The following PALM2AKAP2 variants were observed in gnomAD, a reference collection of about 807,000 sequenced individuals.
PALM2AKAP2 encodes PALM2-AKAP2 fusion protein.
PALM2AKAP2 carries 37 observed loss-of-function variants against 71.5 expected under a neutral mutation model. The ratio of observed to expected loss-of-function variants is 0.52; its 90% CI spans 0.40 to 0.68. PALM2AKAP2 has a LOEUF of 0.68. Among genes scored for constraint, PALM2AKAP2 ranks in the 30% least tolerant of loss-of-function variants. PALM2AKAP2 has a pLI of 0.00. For missense variants in PALM2AKAP2, 1,224 were observed against 1,191.8 expected (o/e 1.03, Z -0.40); for synonymous variants, 468 against 478.8 (o/e 0.98, Z 0.29).
chr9:110,117,060 A>G (rs1184522245), intron 1 of PALM2AKAP2, among the ~76,000 whole-genome samples: 2 of 152,190 alleles, frequency 1.3e-5, no homozygotes, highest in Non-Finnish European at 2.9e-5. Flanking sequence ...TTTTCCAATT[A>G]CAATACTAAT....
chr9:110,048,155 C>G (rs997750621), upstream of PALM2AKAP2, among the ~76,000 whole-genome samples: 1 of 152,186 alleles, frequency 6.6e-6, no homozygotes, highest in Non-Finnish European at 1.5e-5. Context: ...AGACGCACTT[C>G]GCAACCAGTT....
chr9:109,724,116 A>G (rs548401626), intron 1 of PALM2AKAP2, among the ~76,000 whole-genome samples: 215 of 152,334 alleles, frequency 1.4e-3, no homozygotes, highest in African/African-American at 4.9e-3. Context: ...CTCTTTATAC[A>G]TATATGTAAT....
intron 1 of PALM2AKAP2, among the ~76,000 whole-genome samples, chr9:109,667,960 G>A (rs1827515083): frequency 7.8e-5 from 1 of 12,754 alleles, no homozygotes; most frequent in Non-Finnish European, 1.2e-4. Flanking sequence ...TTTTTGAGAC[G>A]GAGTCTCGCT....
chr9:110,066,145 A>G (rs1045129727), intron 1 of PALM2AKAP2, among the ~76,000 whole-genome samples: 4 of 152,216 alleles, frequency 2.6e-5, no homozygotes, highest in Admixed American at 6.5e-5. Flanking sequence ...GTATGAGACA[A>G]CACTTTAAGA....
chr9:109,943,578 T>C (rs1831429038), intron 6 of PALM2AKAP2: 9 of 1,112,120 alleles, frequency 8.1e-6, no homozygotes, highest in Non-Finnish European at 1.0e-5. Context: ...TTTTTTTTCC[T>C]TTTCCTCACC....
chr9:109,686,932 G>T (rs967855158), intron 1 of PALM2AKAP2, among the ~76,000 whole-genome samples: 1 of 151,366 alleles, frequency 6.6e-6, no homozygotes, highest in Non-Finnish European at 1.5e-5. Flanking sequence ...GCAGTGTTTG[G>T]TTTTTTGTCC....
chr9:109,775,077 C>A (rs967400420), intron 1 of PALM2AKAP2, among the ~76,000 whole-genome samples: 1 of 152,178 alleles, frequency 6.6e-6, no homozygotes, highest in African/African-American at 2.4e-5. Context: ...TCATTCTAAT[C>A]TATTATGTGA....
At chr9:109,645,932 T>G (rs921554080) in intron 1 of PALM2AKAP2, among the ~76,000 whole-genome samples, 1 of 151,998 alleles carries the variant, frequency 6.6e-6, no homozygotes, top group Non-Finnish European at 1.5e-5. Context: ...AAGGTCTATC[T>G]TGGAAAAGAA....
At chr9:109,925,267 A>G (rs1588012649) in intron 5 of PALM2AKAP2, among the ~76,000 whole-genome samples, 185 bp downstream of exon 5, 1 of 152,294 alleles carries the variant, frequency 6.6e-6, no homozygotes, top group Middle Eastern at 3.4e-3. Flanking sequence ...TCTCTTCTTC[A>G]GGAACTATCT....
At chr9:109,927,642 A>G (rs1028129861) in intron 5 of PALM2AKAP2, among the ~76,000 whole-genome samples, 1 of 152,154 alleles carries the variant, frequency 6.6e-6, no homozygotes, top group Non-Finnish European at 1.5e-5. Flanking sequence ...GTACTGCTGG[A>G]TCACCAGTGG....
At chr9:110,097,680 G>C (rs940031147) in intron 1 of PALM2AKAP2, among the ~76,000 whole-genome samples, 1 of 146,458 alleles carries the variant, frequency 6.8e-6, no homozygotes, top group Non-Finnish European at 1.5e-5. Context: ...TTCCAGACTG[G>C]GCAGCCAGGC....
intron 1 of PALM2AKAP2, among the ~76,000 whole-genome samples, chr9:109,699,927 C>T (rs982198507): frequency 2.2e-4 from 33 of 152,162 alleles, no homozygotes; most frequent in African/African-American, 1.2e-4. Context: ...AGGCATGTGC[C>T]GCCACACCCG....
At chr9:109,701,887 C>A (rs1474069487) in intron 1 of PALM2AKAP2, among the ~76,000 whole-genome samples, 2 of 152,002 alleles carry the variant, frequency 1.3e-5, no homozygotes, top group Non-Finnish European at 2.9e-5. Flanking sequence ...TGAACTCAAA[C>A]AAATTTACAA....
At chr9:110,013,460 T>C (rs1174741512) in intron 6 of PALM2AKAP2, among the ~76,000 whole-genome samples, 1 of 152,198 alleles carries the variant, frequency 6.6e-6, no homozygotes, top group Non-Finnish European at 1.5e-5. Flanking sequence ...TATTAGTCGG[T>C]TAAAAGCAAA....
intron 6 of PALM2AKAP2, among the ~76,000 whole-genome samples, chr9:109,985,069 G>A (rs755646566): frequency 3.3e-5 from 5 of 151,892 alleles, no homozygotes; most frequent in Non-Finnish European, 5.9e-5. Context: ...CCAGCTACTC[G>A]GGAGGCTGAG....
chr9:109,647,363 A>G (rs1298836486), intron 1 of PALM2AKAP2, among the ~76,000 whole-genome samples: 3 of 152,202 alleles, frequency 2.0e-5, no homozygotes, highest in African/African-American at 7.2e-5. Flanking sequence ...GTTCTTCATG[A>G]TGAAGAGTTA....
At chr9:109,699,287 T>C (rs1828018234) in intron 1 of PALM2AKAP2, among the ~76,000 whole-genome samples, 1 of 152,240 alleles carries the variant, frequency 6.6e-6, no homozygotes, top group Non-Finnish European at 1.5e-5. Context: ...TTAGTAGAAT[T>C]GGTACCTCTT....
intron 1 of PALM2AKAP2, among the ~76,000 whole-genome samples, chr9:109,719,312 A>G (rs887104437): frequency 6.6e-6 from 1 of 152,208 alleles, no homozygotes; most frequent in African/African-American, 2.4e-5. Flanking sequence ...AATACATGAG[A>G]GCACTGGGCT....
At chr9:109,749,743 G>A (rs1828858125) in intron 1 of PALM2AKAP2, among the ~76,000 whole-genome samples, 2 of 152,216 alleles carry the variant, frequency 1.3e-5, no homozygotes, top group Admixed American at 1.3e-4. Context: ...TTTGCCACAA[G>A]TCACTTCCAC....
Sources: allele counts gnomAD v4.1 joint callset (sites outside exome capture counted in the v4.1 genomes callset), GRCh38; gene constraint gnomAD v4.1.1; transcripts MANE v1.5; gene names NCBI Gene and HGNC (gene_info 2026-07-23, HGNC 2026-07-21).